The following CSN1S1 variants were observed in gnomAD, a reference collection of about 807,000 sequenced individuals.
The protein encoded by CSN1S1 is casein alpha s1.
Under a neutral mutation model 49.1 loss-of-function variants are expected in CSN1S1, and 63 were observed. The ratio of observed to expected loss-of-function variants is 1.28; its 90% CI spans 1.05 to 1.58. The LOEUF is 1.58. Among genes scored for constraint, CSN1S1 ranks in the 40% most tolerant of loss-of-function variants. CSN1S1 has a pLI of 0.00. For missense variants in CSN1S1, 260 were observed against 224.7 expected (o/e 1.16, Z -1.01); for synonymous variants, 78 against 67.1 (o/e 1.16, Z -0.79).
At chr4:69,934,790 T>C in intron 4 of CSN1S1, 80 bp downstream of exon 4, 1 of 1,257,152 alleles carries the variant, frequency 8.0e-7, no homozygotes, top group Non-Finnish European at 1.1e-6. Context: ...GTTGAATGTC[T>C]TCTTCTTTAC....
At chr4:69,942,248 G>A (rs935148009) in intron 13 of CSN1S1, among the ~76,000 whole-genome samples, 185 bp downstream of exon 13, 16 of 151,730 alleles carry the variant, frequency 1.1e-4, no homozygotes, top group African/African-American at 3.9e-4. Context: ...GCCATAAATA[G>A]AAAAATATGT....
intron 12 of CSN1S1, among the ~76,000 whole-genome samples, chr4:69,941,641 T>G (rs1722969789): frequency 6.6e-6 from 1 of 151,864 alleles, no homozygotes; most frequent in Non-Finnish European, 1.5e-5. Flanking sequence ...TTCAGCAAAA[T>G]TGCATGCTAG....
intron 1 of CSN1S1, among the ~76,000 whole-genome samples, chr4:69,932,022 G>A (rs901911746): frequency 4.6e-5 from 7 of 151,680 alleles, no homozygotes; most frequent in Non-Finnish European, 7.4e-5. Context: ...TTTACATAAC[G>A]TGCAGACAGG....
rs759326335 is a variant in CSN1S1 at position 69,944,935 on chromosome 4, C to A, written c.488C>A (p.Pro163Gln). ...ATCATGCAGTATGTTCCTTTCCCAC[C>A]GTTTTCCGACATCTCCAATCCCACT... ...PQIMQYVPFPPFSDISNPTAH... is the reference protein window; with the variant it reads ...PQIMQYVPFPQFSDISNPTAH... Residue 163 changes from proline (P) to glutamine (Q), a missense_variant, in exon 15 of 16, where the codon CCG (proline) becomes CAG (glutamine). Pro to Gln is a moderately conservative substitution (Grantham distance 76). Coordinates refer to ENST00000246891, the MANE Select transcript of CSN1S1 (RefSeq NM_001890.2). 6.2e-6 allele frequency: 10 copies of A among 1,612,950 alleles called. No individual in the cohort carries two copies. The East Asian group carries it at 6.7e-5, about 11-fold the overall frequency.
chr4:69,937,088 C>A, intron 7 of CSN1S1, 33 bp from the exon 8 acceptor site: 1 of 1,518,588 alleles, frequency 6.6e-7, no homozygotes, highest in Non-Finnish European at 8.9e-7. Flanking sequence ...TCTTAACAAT[C>A]TGTCATACCT....
intron 9 of CSN1S1, 116 bp downstream of exon 9, chr4:69,937,939 T>A: frequency 1.7e-6 from 1 of 597,662 alleles, no homozygotes; most frequent in Non-Finnish European, 2.7e-6. Flanking sequence ...AAACTGAATT[T>A]TAAAATGTTA....
At chr4:69,931,290 C>A (rs1722598836) in intron 1 of CSN1S1, among the ~76,000 whole-genome samples, 173 bp downstream of exon 1, 1 of 151,896 alleles carries the variant, frequency 6.6e-6, no homozygotes, top group African/African-American at 2.4e-5. Context: ...CATTTTACAG[C>A]TTTAGGTGAT....
Position 69,942,045 on chromosome 4 carries a change from G to A in CSN1S1, c.343-1G>A. 1 of 1,465,836 alleles carries A rather than the reference G, an allele frequency of 6.8e-7. No homozygotes were observed. The highest frequency in any genetic ancestry group is 9.2e-7 in the Non-Finnish European group (1 of 1,085,970). 90.8% of individuals were successfully genotyped at this position (1,465,836 alleles called of 1,614,324 possible). A position where few individuals can be genotyped will look rare whatever the true frequency, so the allele number is the denominator to read the frequency against. On this transcript the variant is annotated splice_acceptor_variant, in intron 12 of 15. Transcript: ENST00000246891. LOFTEE classifies it high-confidence loss of function. ...AAAACAGAATGTTTTCTCCTCCCTA[G>A]CAAGCTGCCCATGCCCAGGTGAGAT... is the stretch of plus-strand genomic sequence containing the variant.
intron 14 of CSN1S1, among the ~76,000 whole-genome samples, chr4:69,944,085 A>T (rs1039877502): frequency 6.6e-6 from 1 of 151,918 alleles, no homozygotes; most frequent in Non-Finnish European, 1.5e-5. Flanking sequence ...ATTTTATCTT[A>T]AAAAATTCTA....
intron 3 of CSN1S1, 64 bp downstream of exon 3, chr4:69,934,308 C>T (rs374532609): frequency 3.2e-5 from 46 of 1,454,262 alleles, no homozygotes; most frequent in Admixed American, 1.3e-4. Context: ...TCCAAATGTG[C>T]GCTTCCCTTC....
intron 12 of CSN1S1, among the ~76,000 whole-genome samples, chr4:69,941,785 G>A (rs1360186507): frequency 6.6e-6 from 1 of 151,758 alleles, no homozygotes; most frequent in Non-Finnish European, 1.5e-5. Flanking sequence ...AAACACATTA[G>A]TACCCCAATA....
chr4:69,939,160 G>C lies in CSN1S1; in HGVS notation c.244-16G>C. The C allele has an allele frequency of 6.3e-7, 1 of 1,586,674 alleles. No homozygotes were observed. The highest frequency in any genetic ancestry group is 8.6e-7 in the Non-Finnish European group (1 of 1,160,106). ...AAATCCCAGGGGATAATTAACACTA[G>C]ATTTCTTTCTTTTAGAAGATGGAAT... On this transcript the variant is annotated splice_polypyrimidine_tract_variant and intron_variant, in intron 9 of 15. Transcript: ENST00000246891.
chr4:69,937,736 T>G (rs1578134018), intron 8 of CSN1S1, 64 bp from the exon 9 acceptor site: 1 of 1,244,350 alleles, frequency 8.0e-7, no homozygotes, highest in Non-Finnish European at 1.1e-6. Flanking sequence ...TATTTGGTAA[T>G]CATTACTTTT....
intron 8 of CSN1S1, 132 bp downstream of exon 8, chr4:69,937,276 T>C (rs2109718164): frequency 1.5e-6 from 1 of 673,102 alleles, no homozygotes; most frequent in East Asian, 2.9e-5. Context: ...AAAGAAATAG[T>C]GTATCATACA....
chr4:69,934,187 A>G, intron 2 of CSN1S1, 25 bp from the exon 3 acceptor site: 1 of 1,592,930 alleles, frequency 6.3e-7, no homozygotes. Context: ...TTTTTGTTTT[A>G]CAATTCTTGC....
chr4:69,938,835 A>T (rs1433770011), intron 9 of CSN1S1, among the ~76,000 whole-genome samples: 2 of 151,762 alleles, frequency 1.3e-5, no homozygotes, highest in East Asian at 3.9e-4. Flanking sequence ...CTGGGTACCC[A>T]GCTAAATATG....
intron 2 of CSN1S1, 76 bp downstream of exon 2, chr4:69,932,682 C>T: frequency 7.8e-7 from 1 of 1,288,234 alleles, no homozygotes; most frequent in South Asian, 1.3e-5. Flanking sequence ...ACATAGGATA[C>T]CCAGAGAAAT....
At chr4:69,939,879 C>G (rs1036048898) in intron 10 of CSN1S1, 142 bp from the exon 11 acceptor site, 2 of 532,360 alleles carry the variant, frequency 3.8e-6, no homozygotes, top group Non-Finnish European at 3.4e-6. Flanking sequence ...AATTATTAAT[C>G]TTGTCTCAGT....
chr4:69,942,545 C>A lies in CSN1S1; in HGVS notation c.370C>A (p.Arg124Ser). Residue 124 changes from arginine (R) to serine (S), a missense_variant, in exon 14 of 16, where the codon CGC (arginine) becomes AGC (serine). Coordinates refer to ENST00000246891, the MANE Select transcript of CSN1S1 (RefSeq NM_001890.2). ...LQAAHAQEQI[R>S]RMNENSHVQV... ...GTTTCCTTTTATGCAGGAGCAAATT[C>A]GCAGAATGAATGAAAACAGCCATGT... 3 of 1,586,670 alleles carry A rather than the reference C, an allele frequency of 1.9e-6. No homozygotes were observed. Among genetic ancestry groups the A allele is most frequent in the Non-Finnish European group, 2.6e-6 (3 of 1,164,860 alleles).
Sources: gnomAD v4.1 joint callset for allele counts (sites outside exome capture counted in the v4.1 genomes callset) on GRCh38, gnomAD v4.1.1 for gene constraint, MANE v1.5 for transcripts, NCBI Gene and HGNC (gene_info 2026-07-23, HGNC 2026-07-21) for gene names.